Variants in NAALADL2 observed in about 807,000 individuals in gnomAD.
NAALADL2 encodes the protein N-acetylated alpha-linked acidic dipeptidase like 2.
In NAALADL2, 76 loss-of-function variants were observed where a neutral mutation model predicts 87.2. The ratio of observed to expected loss-of-function variants is 0.87; its 90% CI spans 0.72 to 1.05. The LOEUF is 1.05. Ranked by LOEUF, NAALADL2 falls within the 50% of genes least tolerant of loss-of-function variation. The pLI is 0.00. For synonymous variants in NAALADL2, 354 were observed against 331.0 expected (o/e 1.07, Z -0.75); for missense variants, 1,089 against 945.8 (o/e 1.15, Z -1.99).
intron 3 of NAALADL2, among the ~76,000 whole-genome samples, 159 bp from the exon 4 acceptor site, chr3:175,256,252 A>T (rs1317693355): frequency 6.6e-6 from 1 of 152,178 alleles, no homozygotes; most frequent in Non-Finnish European, 1.5e-5. Context: ...TAGAAATAGA[A>T]AGGTCATGTT....
chr3:174,726,613 A>G (rs1578696262), intron 2 of NAALADL2, among the ~76,000 whole-genome samples: 1 of 151,990 alleles, frequency 6.6e-6, no homozygotes, highest in Non-Finnish European at 1.5e-5. Context: ...AACACTAGAT[A>G]CTATTCTTTC....
intron 1 of NAALADL2, among the ~76,000 whole-genome samples, chr3:175,090,126 G>A (rs989406103): frequency 2.0e-5 from 3 of 151,988 alleles, no homozygotes; most frequent in Non-Finnish European, 4.4e-5. Flanking sequence ...TGGAATCTAG[G>A]TGGAGGTGGA....
At chr3:174,828,438 G>A (rs955306456) in intron 3 of NAALADL2, among the ~76,000 whole-genome samples, 1 of 152,194 alleles carries the variant, frequency 6.6e-6, no homozygotes, top group Non-Finnish European at 1.5e-5. Flanking sequence ...AATTGAGGCA[G>A]AAAGAGTGTA....
intron 2 of NAALADL2, among the ~76,000 whole-genome samples, chr3:175,172,485 T>C (rs959728472): frequency 4.6e-5 from 7 of 152,192 alleles, no homozygotes; most frequent in Admixed American, 1.3e-4. Flanking sequence ...CAGTGCTTAA[T>C]GTCTTATACC....
At chr3:175,000,694 A>G (rs562028103) in intron 1 of NAALADL2, among the ~76,000 whole-genome samples, 3 of 152,316 alleles carry the variant, frequency 2.0e-5, no homozygotes, top group Admixed American at 2.0e-4. Context: ...GTCATGCTTA[A>G]AGTACTAAAA....
rs142384802 is a variant in NAALADL2, at chr3:175,023,439, A to AT, written c.44-73345dup. Among the ~76,000 whole-genome samples, 917 of 152,146 alleles carry AT rather than the reference A, an allele frequency of 6.0e-3. 9 individuals carry two copies. The highest frequency in any genetic ancestry group is 0.02 in the African/African-American group (833 of 41,532). Reference sequence around the variant, plus strand: ...ATGTGTCTGTCATAAAGTTTATATTATTTTTTCGATTGAGAAACTAATCTG... The same window carrying AT: ...ATGTGTCTGTCATAAAGTTTATATTATTTTTTTCGATTGAGAAACTAATCTG... On this transcript the variant is annotated intron_variant, in intron 1 of 13. Transcript: ENST00000454872.
At position 174,562,665 on chromosome 3, in the gene NAALADL2, G is replaced by A. The variant is rs112428962; in HGVS notation, c.-115+12028G>A. ...TCGCTGGACCCCATTTCTTATTGTAGTCTATGTAAATATTGTCTACTGGAA... is the reference window on the plus strand; with the variant it reads ...TCGCTGGACCCCATTTCTTATTGTAATCTATGTAAATATTGTCTACTGGAA... On this transcript the variant is annotated intron_variant, in intron 2 of 3. Transcript: ENST00000434257. 7.9e-5 allele frequency among the ~76,000 whole-genome samples: 12 copies of A among 152,088 alleles called. 1 individual carries two copies. The highest frequency in any genetic ancestry group is 2.9e-4 in the African/African-American group (12 of 41,502).
At chr3:175,432,414 T>C (rs1717910755) in intron 5 of NAALADL2, among the ~76,000 whole-genome samples, 1 of 152,052 alleles carries the variant, frequency 6.6e-6, no homozygotes, top group South Asian at 2.1e-4. Flanking sequence ...CTAATTATCT[T>C]CTTAAAACTC....
At chr3:174,609,694 T>G (rs1343746112) in intron 2 of NAALADL2, among the ~76,000 whole-genome samples, 2 of 152,054 alleles carry the variant, frequency 1.3e-5, no homozygotes, top group South Asian at 2.1e-4. Flanking sequence ...AACATTCCAT[T>G]CTCATGGGTA....
At chr3:174,505,854 C>A (rs1350884459) in intron 1 of NAALADL2, among the ~76,000 whole-genome samples, 3 of 152,062 alleles carry the variant, frequency 2.0e-5, no homozygotes, top group Admixed American at 1.3e-4. Flanking sequence ...CTGTAAAAAT[C>A]TTTTTTATTA....
At chr3:175,799,489 A>C (rs1311583671) in intron 13 of NAALADL2, among the ~76,000 whole-genome samples, 1 of 152,084 alleles carries the variant, frequency 6.6e-6, no homozygotes, top group African/African-American at 2.4e-5. Flanking sequence ...TATGTTTGAT[A>C]TGTATCCTGG....
intron 2 of NAALADL2, among the ~76,000 whole-genome samples, chr3:174,615,520 G>A (rs887782071): frequency 6.6e-6 from 1 of 152,170 alleles, no homozygotes; most frequent in Non-Finnish European, 1.5e-5. Context: ...GTATTGCTTG[G>A]TGTATTAAGG....
At chr3:175,768,587 C>T (rs1381772169) in intron 13 of NAALADL2, among the ~76,000 whole-genome samples, 4 of 152,096 alleles carry the variant, frequency 2.6e-5, no homozygotes, top group South Asian at 2.1e-4. Context: ...AAGTGGCTCG[C>T]GCCTGTAATC....
chr3:175,107,245 C>T (rs1723319913), intron 2 of NAALADL2, among the ~76,000 whole-genome samples: 1 of 151,912 alleles, frequency 6.6e-6, no homozygotes, highest in Non-Finnish European at 1.5e-5. Context: ...AATTAGTAGG[C>T]TTGGAATAAA....
chr3:175,085,336 T>C (rs2108271740), intron 1 of NAALADL2, among the ~76,000 whole-genome samples: 1 of 152,298 alleles, frequency 6.6e-6, no homozygotes, highest in African/African-American at 2.4e-5. Flanking sequence ...AATACTATAC[T>C]CTTTACCGTA....
intron 2 of NAALADL2, among the ~76,000 whole-genome samples, chr3:175,169,632 C>T (rs1161086803): frequency 1.3e-5 from 2 of 151,362 alleles, no homozygotes; most frequent in Admixed American, 6.6e-5. Context: ...AGTTTTTATC[C>T]GTTTTTATTT....
rs1399594788 is a variant in NAALADL2, at chr3:175,324,044, G to GAAAAAAA, written c.940-126_940-125insAAAAAAA. 3 of 444,024 alleles carry GAAAAAAA rather than the reference G, an allele frequency of 6.8e-6. No individual in the cohort carries two copies. In the African/African-American group the frequency reaches 8.3e-5, roughly 12 times the overall value. The allele number at this position is 444,024 out of a possible 1,614,324, so 27.5% of individuals were successfully genotyped here. A position where few individuals can be genotyped will look rare whatever the true frequency, so the allele number is the denominator to read the frequency against. On this transcript the variant is annotated intron_variant, in intron 4 of 13. Transcript: ENST00000454872. ...AAAAACAAACAAAAAAAAAAAAAAA[G>GAAAAAAA]AAAAAGAAAAAGAAAAAGAAAAAAA...
rs1578403177 is a variant in NAALADL2 at position 174,641,965 on chromosome 3, G to T, written c.-115+91328G>T. Among the ~76,000 whole-genome samples, 3 of 151,946 alleles carry T rather than the reference G, an allele frequency of 2.0e-5. No homozygotes were observed. In the South Asian group the frequency reaches 6.2e-4, roughly 32 times the overall value. ...TTAGAGACAAGGTTTCACCATGTTG[G>T]CCAGGCTGGTCTCAAACTCCTGGGC... is the stretch of plus-strand genomic sequence containing the variant. On this transcript the variant is annotated intron_variant, in intron 2 of 3. Coordinates refer to the NAALADL2 transcript ENST00000434257.
intron 1 of NAALADL2, among the ~76,000 whole-genome samples, chr3:174,544,396 A>G (rs569922024): frequency 1.6e-4 from 25 of 152,192 alleles, no homozygotes; most frequent in African/African-American, 6.0e-4. Flanking sequence ...TTTGAACCAA[A>G]ACATATGATT....
Sources: allele counts gnomAD v4.1 joint callset (sites outside exome capture counted in the v4.1 genomes callset), GRCh38; gene constraint gnomAD v4.1.1; transcripts MANE v1.5; gene names NCBI Gene and HGNC (gene_info 2026-07-23, HGNC 2026-07-21).